PARD6B: variants seen among roughly 807,000 people sequenced by gnomAD.
PARD6B encodes the protein partitioning defective 6 homolog beta.
PARD6B carries 4 observed loss-of-function variants against 10.5 expected under a neutral mutation model. The observed-to-expected ratio is 0.38, with a 90% CI of 0.19 to 0.87. PARD6B has a LOEUF of 0.87. Ranked by LOEUF, PARD6B falls within the 40% of genes least tolerant of loss-of-function variation. The pLI is 0.41. For missense variants in PARD6B, 396 were observed against 470.6 expected (o/e 0.84, Z 1.47); for synonymous variants, 169 against 170.4 (o/e 0.99, Z 0.07).
At chr20:50,742,626 A>G (rs941982442) in intron 2 of PARD6B, among the ~76,000 whole-genome samples, 21 of 151,996 alleles carry the variant, frequency 1.4e-4, no homozygotes, top group Non-Finnish European at 1.5e-5. Flanking sequence ...TCAGCCTCTC[A>G]TAGTGCTGGG....
At position 50,735,517 on chromosome 20, in the gene PARD6B, G is replaced by C. The variant is rs908595618; in HGVS notation, c.67-2340G>C. Among the ~76,000 whole-genome samples, 3 of 152,210 alleles carry C rather than the reference G, an allele frequency of 2.0e-5. No homozygotes were observed. In the South Asian group the frequency reaches 6.2e-4, roughly 31 times the overall value. On this transcript the variant is annotated intron_variant, in intron 1 of 2. Coordinates refer to ENST00000371610, the MANE Select transcript of PARD6B (RefSeq NM_032521.3). Reference sequence around the variant, plus strand: ...AGTCCATACACATTCTGGATGGCTAGGGCAAACTAGGCTATGAAACAGTTG... The same window carrying C: ...AGTCCATACACATTCTGGATGGCTACGGCAAACTAGGCTATGAAACAGTTG...
At chr20:50,737,708 C>T in intron 1 of PARD6B, 149 bp from the exon 2 acceptor site, 1 of 597,582 alleles carries the variant, frequency 1.7e-6, no homozygotes, top group Non-Finnish European at 2.8e-6. Context: ...TTTTTAAAAT[C>T]CCTGATAGTA....
Position 50,752,594 on chromosome 20 carries a change from C to T in PARD6B, c.*2106C>T, listed in dbSNP as rs900147450. The stretch of plus-strand genomic sequence containing the variant: ...TAGAAACTAAAAATACTATGAAGTA[C>T]ATAAGTTCCCTATGGCTTATGGAGA... On this transcript the variant is annotated 3_prime_UTR_variant, in exon 3 of 3. Coordinates refer to ENST00000371610, the MANE Select transcript of PARD6B (RefSeq NM_032521.3). 7.1e-6 allele frequency: 7 copies of T among 982,734 alleles called. No homozygotes were observed. The Admixed American group carries it at 3.7e-4, about 52-fold the overall frequency. The allele number at this position is 982,734 out of a possible 1,614,324, so 60.9% of individuals were successfully genotyped here. A position where few individuals can be genotyped will look rare whatever the true frequency, so the allele number is the denominator to read the frequency against.
intron 2 of PARD6B, among the ~76,000 whole-genome samples, chr20:50,748,897 G>A (rs2087583736): frequency 6.6e-6 from 1 of 152,118 alleles, no homozygotes. Context: ...TTTAAGGCCG[G>A]ACACAGTAGC....
At chr20:50,749,233 C>T (rs1457576481) in intron 2 of PARD6B, among the ~76,000 whole-genome samples, 1 of 151,940 alleles carries the variant, frequency 6.6e-6, no homozygotes, top group Non-Finnish European at 1.5e-5. Context: ...GTCCCAGCTA[C>T]TCGGGAGGGT....
At position 50,751,216 on chromosome 20, in the gene PARD6B, C is replaced by T; in HGVS notation, c.*728C>T. Reference sequence around the variant, plus strand: ...AACTCCTGGGCTTAAGCAGTCCTGCCTCGGCTTCCCAAAATGCTAGGATTA... The same window carrying T: ...AACTCCTGGGCTTAAGCAGTCCTGCTTCGGCTTCCCAAAATGCTAGGATTA... On this transcript the variant is annotated 3_prime_UTR_variant, in exon 3 of 3. Transcript: ENST00000371610. 1 of 932,498 alleles carries T rather than the reference C, an allele frequency of 1.1e-6. No homozygotes were observed. The highest frequency in any genetic ancestry group is 1.3e-6 in the Non-Finnish European group (1 of 782,564). The allele number at this position is 932,498 out of a possible 1,614,324, so 57.8% of individuals were successfully genotyped here.
At chr20:50,741,821 C>T (rs980601638) in intron 2 of PARD6B, among the ~76,000 whole-genome samples, 1 of 152,138 alleles carries the variant, frequency 6.6e-6, no homozygotes, top group African/African-American at 2.4e-5. Flanking sequence ...GCTGGGATTA[C>T]AGGCGTGAGC....
chr20:50,750,954 ATTTTTTTTTTTTTTTTT>A lies in PARD6B; in HGVS notation c.*482_*498del, dbSNP rs565068464. The A allele has an allele frequency of 6.6e-4, 257 of 387,536 alleles. No individual in the cohort carries two copies. The highest frequency in any genetic ancestry group is 1.2e-3 in the South Asian group (7 of 6,010). 24.0% of individuals were successfully genotyped at this position (387,536 alleles called of 1,614,324 possible). A position where few individuals can be genotyped will look rare whatever the true frequency, so the allele number is the denominator to read the frequency against. ...CTCATGTTCCCAATATTTTATTTTG[ATTTTTTTTTTTTTTTTT>A]TTTTTTTTTTTTTTTAGTGACTGGG... is the stretch of plus-strand genomic sequence containing the variant. On this transcript the variant is annotated 3_prime_UTR_variant, in exon 3 of 3. Coordinates refer to ENST00000371610, the MANE Select transcript of PARD6B (RefSeq NM_032521.3).
At chr20:50,743,888 CAAAAA>C (rs1216305315) in intron 2 of PARD6B, among the ~76,000 whole-genome samples, 1 of 56,186 alleles carries the variant, frequency 1.8e-5, no homozygotes. Context: ...GACTCCGTCT[CAAAAA>C]AAAAAAAAAA....
rs554089553 is a variant in PARD6B at position 50,745,572 on chromosome 20, G to A, written c.290-4087G>A. 2.0e-4 allele frequency among the ~76,000 whole-genome samples: 31 copies of A among 152,210 alleles called. 1 individual carries two copies. Among genetic ancestry groups the A allele is most frequent in the East Asian group, 1.3e-3 (7 of 5,190 alleles). ...TGGAGTGCAGTGGTGCCATCTTAGC[G>A]TACTTCAGCTTCGACCTCTCAGGCT... On this transcript the variant is annotated intron_variant, in intron 2 of 2. Transcript: ENST00000371610.
At chr20:50,747,464 TTTC>T (rs2087573975) in intron 2 of PARD6B, among the ~76,000 whole-genome samples, 1 of 149,848 alleles carries the variant, frequency 6.7e-6, no homozygotes, top group Non-Finnish European at 1.5e-5. Context: ...TGTCTTTTCT[TTTC>T]TTTTTCTTTT....
intron 2 of PARD6B, among the ~76,000 whole-genome samples, chr20:50,745,643 G>A (rs576800366): frequency 1.3e-5 from 2 of 152,170 alleles, no homozygotes; most frequent in Admixed American, 1.3e-4. Context: ...TGGACTACAG[G>A]CACAAACAAA....
intron 2 of PARD6B, among the ~76,000 whole-genome samples, chr20:50,746,936 A>T (rs2087570514): frequency 6.6e-6 from 1 of 152,274 alleles, no homozygotes; most frequent in African/African-American, 2.4e-5. Flanking sequence ...TTTTTTGCCA[A>T]AAAGATTGTT....
At chr20:50,739,190 T>C (rs2087516026) in intron 2 of PARD6B, among the ~76,000 whole-genome samples, 1 of 152,038 alleles carries the variant, frequency 6.6e-6, no homozygotes, top group African/African-American at 2.4e-5. Context: ...CTCACGTGTG[T>C]AATCCCAGCA....
chr20:50,739,402 C>T (rs1227496869), intron 2 of PARD6B, among the ~76,000 whole-genome samples: 2 of 152,114 alleles, frequency 1.3e-5, no homozygotes, highest in African/African-American at 2.4e-5. Flanking sequence ...GATCGTACCA[C>T]TGCACTCCAG....
At chr20:50,742,994 G>A (rs778646946) in intron 2 of PARD6B, among the ~76,000 whole-genome samples, 2 of 152,174 alleles carry the variant, frequency 1.3e-5, no homozygotes, top group Non-Finnish European at 2.9e-5. Flanking sequence ...GAGTATTAGA[G>A]TTTATCCTAA....
intron 2 of PARD6B, among the ~76,000 whole-genome samples, chr20:50,745,174 A>T (rs12625745): frequency 0.3 from 46,220 of 152,134 alleles, 8,565 homozygotes; most frequent in East Asian, 0.64. Flanking sequence ...TCACGCCTGT[A>T]ATCCCAGCAC....
intron 2 of PARD6B, among the ~76,000 whole-genome samples, chr20:50,748,660 G>C (rs990872147): frequency 6.6e-6 from 1 of 152,010 alleles, no homozygotes; most frequent in African/African-American, 2.4e-5. Flanking sequence ...CCAAGTAGCC[G>C]GGACTCCAGG....
intron 2 of PARD6B, among the ~76,000 whole-genome samples, chr20:50,746,308 A>G (rs537713390): frequency 6.6e-6 from 1 of 152,356 alleles, no homozygotes; most frequent in South Asian, 2.1e-4. Context: ...AAAGTAAGAC[A>G]TCCAGTTTGA....
Sources: allele counts gnomAD v4.1 joint callset (sites outside exome capture counted in the v4.1 genomes callset), GRCh38; gene constraint gnomAD v4.1.1; transcripts MANE v1.5; gene names NCBI Gene and HGNC (gene_info 2026-07-23, HGNC 2026-07-21).